SULF1: variants seen among roughly 807,000 people sequenced by gnomAD.
The protein encoded by SULF1 is sulfatase 1.
Under a neutral mutation model 110.5 loss-of-function variants are expected in SULF1, and 46 were observed. The observed-to-expected ratio is 0.42, with a 90% CI of 0.33 to 0.53. SULF1 has a LOEUF of 0.53. SULF1 is among the 20% of genes least tolerant of loss of function. The probability of loss-of-function intolerance (pLI) is 0.12; values close to 1 mark genes in which losing one functional copy is unlikely to be tolerated. For missense variants in SULF1, 941 were observed against 1,094.2 expected (o/e 0.86, Z 1.98); for synonymous variants, 371 against 387.1 (o/e 0.96, Z 0.49).
At chr8:69,486,330 A>G (rs1809708903) in intron 1 of SULF1, among the ~76,000 whole-genome samples, 1 of 152,136 alleles carries the variant, frequency 6.6e-6, no homozygotes, top group Non-Finnish European at 1.5e-5. Flanking sequence ...TTTAAAAAAA[A>G]AAAATCACAA....
chr8:69,492,757 T>TA (rs1231527636), upstream of SULF1: 5 of 152,438 alleles, frequency 3.3e-5, no homozygotes, highest in African/African-American at 9.7e-5. Flanking sequence ...GGAACTGCCT[T>TA]TTGTTTGTCT....
chr8:69,501,507 C>T (rs895108480), intron 2 of SULF1, among the ~76,000 whole-genome samples: 2 of 152,198 alleles, frequency 1.3e-5, no homozygotes, highest in Non-Finnish European at 2.9e-5. Flanking sequence ...TAAAATAGGT[C>T]TCCCAACCTG....
At chr8:69,550,583 A>G (rs1457106373) in intron 3 of SULF1, among the ~76,000 whole-genome samples, 3 of 152,100 alleles carry the variant, frequency 2.0e-5, no homozygotes, top group Admixed American at 1.3e-4. Context: ...CGAGGGGAAA[A>G]GGGAGCAAAA....
chr8:69,533,007 A>C (rs546032162), intron 3 of SULF1, among the ~76,000 whole-genome samples: 1 of 152,342 alleles, frequency 6.6e-6, no homozygotes, highest in East Asian at 1.9e-4. Context: ...TATCAAGACA[A>C]ACAAATGAAA....
chr8:69,618,097 G>A (rs993193267), intron 13 of SULF1, among the ~76,000 whole-genome samples: 1 of 152,188 alleles, frequency 6.6e-6, no homozygotes, highest in South Asian at 2.1e-4. Context: ...GCTTCTGAAA[G>A]TCCCTCTGTC....
chr8:69,548,732 A>T (rs1025547011), intron 3 of SULF1, among the ~76,000 whole-genome samples: 1 of 151,278 alleles, frequency 6.6e-6, no homozygotes, highest in Non-Finnish European at 1.5e-5. Context: ...AAGTGCTGGG[A>T]TTACAGGCAT....
intron 22 of SULF1, among the ~76,000 whole-genome samples, chr8:69,647,091 C>T (rs901418351): frequency 6.6e-6 from 1 of 151,746 alleles, no homozygotes; most frequent in African/African-American, 2.4e-5. Flanking sequence ...ACTACAGGCA[C>T]AGACCACCAT....
At chr8:69,601,229 A>G (rs1434898366) in intron 9 of SULF1, among the ~76,000 whole-genome samples, 1 of 152,246 alleles carries the variant, frequency 6.6e-6, no homozygotes, top group East Asian at 1.9e-4. Context: ...GAAACATAGT[A>G]TAAGCCAAAC....
chr8:69,546,707 T>C (rs1422129293), intron 3 of SULF1, among the ~76,000 whole-genome samples: 1 of 152,252 alleles, frequency 6.6e-6, no homozygotes, highest in Non-Finnish European at 1.5e-5. Context: ...GACATATTGT[T>C]ACCAAAATCT....
intron 2 of SULF1, 76 bp downstream of exon 2, chr8:69,496,002 T>C (rs1274786511): frequency 1.3e-5 from 2 of 152,272 alleles, no homozygotes; most frequent in Non-Finnish European, 2.9e-5. Context: ...GAAATCAATC[T>C]GATTAGCAGG....
chr8:69,635,164 T>A (rs1056299329), intron 19 of SULF1, among the ~76,000 whole-genome samples: 1 of 152,220 alleles, frequency 6.6e-6, no homozygotes. Context: ...GAGGGTTGAA[T>A]AGGCAGAACA....
chr8:69,612,258 G>A (rs1808720338), intron 13 of SULF1, among the ~76,000 whole-genome samples: 2 of 152,062 alleles, frequency 1.3e-5, no homozygotes, highest in Non-Finnish European at 2.9e-5. Flanking sequence ...TGGTTGATGG[G>A]CATTTAGGCT....
At chr8:69,479,917 C>A (rs923893112) in intron 1 of SULF1, among the ~76,000 whole-genome samples, 1 of 152,158 alleles carries the variant, frequency 6.6e-6, no homozygotes, top group East Asian at 1.9e-4. Flanking sequence ...GAGTCCAGCT[C>A]CCTTTTCGAC....
chr8:69,482,830 C>T (rs1293961801), intron 1 of SULF1, among the ~76,000 whole-genome samples: 2 of 152,082 alleles, frequency 1.3e-5, no homozygotes, highest in African/African-American at 4.8e-5. Flanking sequence ...ATCCAGGTCT[C>T]CTAACTATAA....
Sources: allele counts gnomAD v4.1 joint callset (sites outside exome capture counted in the v4.1 genomes callset), GRCh38; gene constraint gnomAD v4.1.1; transcripts MANE v1.5; gene names NCBI Gene and HGNC (gene_info 2026-07-23, HGNC 2026-07-21).